The following LRRC1 variants were observed in gnomAD, a reference collection of about 807,000 sequenced individuals.
LRRC1 encodes the protein leucine-rich repeat-containing protein 1.
Under a neutral mutation model 69.9 loss-of-function variants are expected in LRRC1, and 28 were observed. That is an observed-to-expected ratio of 0.40 (90% confidence interval 0.30 to 0.55). The LOEUF (loss-of-function observed/expected upper bound fraction) is 0.55, where lower values mean the gene tolerates loss of function less well. Ranked by LOEUF, LRRC1 falls within the 20% of genes least tolerant of loss-of-function variation. LRRC1 has a pLI of 0.47. For missense variants in LRRC1, 498 were observed against 609.0 expected (o/e 0.82, Z 1.92); for synonymous variants, 236 against 240.2 (o/e 0.98, Z 0.16).
At chr6:53,854,487 G>C (rs1766246809) in intron 2 of LRRC1, among the ~76,000 whole-genome samples, 1 of 152,154 alleles carries the variant, frequency 6.6e-6, no homozygotes, top group Admixed American at 6.5e-5. Flanking sequence ...TGTGTACCAG[G>C]TATGAGGCTA....
In LRRC1 at chr6:53,872,737, A is replaced by T. The variant is rs183531847; in HGVS notation, c.278-6256A>T. Among the ~76,000 whole-genome samples the T allele has an allele frequency of 1.5e-4, 22 of 148,640 alleles. No homozygotes were observed. In the East Asian group the frequency reaches 4.1e-3, roughly 28 times the overall value. On this transcript the variant is annotated intron_variant, in intron 2 of 13. Coordinates refer to ENST00000370888, the MANE Select transcript of LRRC1 (RefSeq NM_018214.5). ...GCTTTGGGTAGTATAGACACTTTTA[A>T]CAATTTTCTTTTCTCTTTTTTTTTT...
intron 1 of LRRC1, among the ~76,000 whole-genome samples, chr6:53,840,637 T>A (rs988277204): frequency 2.6e-5 from 4 of 152,150 alleles, no homozygotes; most frequent in African/African-American, 7.2e-5. Flanking sequence ...CTTTTTGTCT[T>A]TTTATTCCAC....
intron 1 of LRRC1, among the ~76,000 whole-genome samples, chr6:53,832,620 A>T (rs1209684478): frequency 6.6e-6 from 1 of 152,180 alleles, no homozygotes; most frequent in Non-Finnish European, 1.5e-5. Flanking sequence ...TCTTTTCTGT[A>T]TGTAAACAGA....
Position 53,904,445 on chromosome 6 carries a change from G to A in LRRC1, c.973G>A (p.Val325Met), listed in dbSNP as rs774730907. Residue 325 changes from valine to methionine, a missense_variant, in exon 10 of 14, where the codon GTG becomes ATG. Transcript: ENST00000370888. ...CTTGAATGCAGACAGAAATAAATTA[G>A]TGTCCTTACCAAAAGAGGTATGTGC... Reference protein sequence around the residue: ...SNLNADRNKLVSLPKEIGGCC... With the variant: ...SNLNADRNKLMSLPKEIGGCC... 4.4e-6 allele frequency: 7 copies of A among 1,608,636 alleles called. No homozygotes were observed. Among genetic ancestry groups the A allele is most frequent in the Non-Finnish European group, 6.0e-6 (7 of 1,176,412 alleles).
rs140134504 is a variant in LRRC1, at chr6:53,891,805, G to A, written c.447-4693G>A. 1.3e-4 allele frequency among the ~76,000 whole-genome samples: 20 copies of A among 151,950 alleles called. No individual in the cohort carries two copies. In the East Asian group the frequency reaches 3.9e-3, roughly 29 times the overall value. On this transcript the variant is annotated intron_variant, in intron 4 of 13. Transcript: ENST00000370888. ...TCGAGACCAGCCAGGCCAACTGTCTGGTCTGGTGAAACCCCATCTCTACTA... is the reference window on the plus strand; with the variant it reads ...TCGAGACCAGCCAGGCCAACTGTCTAGTCTGGTGAAACCCCATCTCTACTA...
At chr6:53,841,476 G>C (rs1195977155) in intron 1 of LRRC1, among the ~76,000 whole-genome samples, 1 of 151,914 alleles carries the variant, frequency 6.6e-6, no homozygotes, top group Non-Finnish European at 1.5e-5. Context: ...CTGTCTTCAT[G>C]GGCTTATTTC....
intron 6 of LRRC1, 71 bp from the exon 7 acceptor site, chr6:53,897,213 GT>G: frequency 9.7e-7 from 1 of 1,026,266 alleles, no homozygotes. Context: ...GATGAATTCA[GT>G]TTCTTTCTTT....
chr6:53,909,279 A>AG (rs57391779), intron 10 of LRRC1, among the ~76,000 whole-genome samples: 4,629 of 152,308 alleles, frequency 0.03, 253 homozygotes, highest in African/African-American at 0.11. Context: ...ACTAAGACTG[A>AG]GAGAGGTTAA....
intron 2 of LRRC1, among the ~76,000 whole-genome samples, chr6:53,844,087 G>C (rs2127416922): frequency 6.6e-6 from 1 of 152,246 alleles, no homozygotes; most frequent in South Asian, 2.1e-4. Flanking sequence ...CGCTTACACT[G>C]GAGTATGGGG....
chr6:53,817,289 T>G (rs1174676474), intron 1 of LRRC1, among the ~76,000 whole-genome samples: 2 of 152,204 alleles, frequency 1.3e-5, no homozygotes, highest in Admixed American at 1.3e-4. Flanking sequence ...CTGTCTTCAT[T>G]TTTTTCTTAT....
chr6:53,843,991 A>G (rs1220686432), intron 2 of LRRC1, among the ~76,000 whole-genome samples: 1 of 152,166 alleles, frequency 6.6e-6, no homozygotes, highest in African/African-American at 2.4e-5. Flanking sequence ...CAGCCACCCT[A>G]AAGGTTGGCT....
At chr6:53,918,394 T>C (rs1768636718) in intron 11 of LRRC1, among the ~76,000 whole-genome samples, 1 of 152,252 alleles carries the variant, frequency 6.6e-6, no homozygotes, top group Non-Finnish European at 1.5e-5. Flanking sequence ...GCAAAATGTA[T>C]TGTTACTGTA....
chr6:53,867,664 T>A (rs1450699338), intron 2 of LRRC1, among the ~76,000 whole-genome samples: 2 of 151,432 alleles, frequency 1.3e-5, no homozygotes, highest in African/African-American at 2.4e-5. Context: ...ATTTTTATTA[T>A]TTTTTTTAAC....
Position 53,795,415 on chromosome 6 carries a change from G to A in LRRC1, c.159G>A (p.Glu53=), listed in dbSNP as rs762684607. The change falls in exon 1 of 14, where the codon GAG becomes GAA. Residue 53 remains glutamate (E), a splice_region_variant and synonymous_variant. Coordinates refer to ENST00000370888, the MANE Select transcript of LRRC1 (RefSeq NM_018214.5). The stretch of plus-strand genomic sequence containing the variant: ...CCAACCAGCTCCGCGAGCTGCCCGA[G>A]GTAAGGGTCCGGCCTCACCTGAGCG... ...LDANQLRELP[E]QFFQLVKLRK... is the part of the protein sequence containing the mutation. 40 of 1,610,444 alleles carry A rather than the reference G, an allele frequency of 2.5e-5. No homozygotes were observed. In the South Asian group the frequency reaches 4.3e-4, roughly 17 times the overall value.
chr6:53,864,465 C>G (rs746703412), intron 2 of LRRC1, among the ~76,000 whole-genome samples: 51 of 152,180 alleles, frequency 3.4e-4, no homozygotes, highest in Non-Finnish European at 6.6e-4. Flanking sequence ...AATCTGACTT[C>G]AGACCCTCAA....
chr6:53,892,026 A>G (rs1456702282), intron 4 of LRRC1, among the ~76,000 whole-genome samples: 34 of 151,112 alleles, frequency 2.2e-4, no homozygotes, highest in Non-Finnish European at 4.1e-4. Context: ...ACACACACAC[A>G]CACACACACA....
intron 2 of LRRC1, among the ~76,000 whole-genome samples, chr6:53,849,243 C>G (rs1766049407): frequency 1.3e-5 from 2 of 152,162 alleles, no homozygotes; most frequent in Admixed American, 1.3e-4. Context: ...CTCATTCATT[C>G]ACTTTATCCG....
At chr6:53,914,420 C>A (rs1311271317) in intron 11 of LRRC1, among the ~76,000 whole-genome samples, 1 of 151,998 alleles carries the variant, frequency 6.6e-6, no homozygotes, top group African/African-American at 2.4e-5. Context: ...ACTCTGAACC[C>A]CCTGAAAATA....
chr6:53,853,282 ATTTTTTT>A (rs59868633), intron 2 of LRRC1, among the ~76,000 whole-genome samples: 2 of 130,268 alleles, frequency 1.5e-5, no homozygotes, highest in Non-Finnish European at 3.3e-5. Flanking sequence ...GGTGGTTCAT[ATTTTTTT>A]TTTTTTTTTT....
Sources: allele counts gnomAD v4.1 joint callset (sites outside exome capture counted in the v4.1 genomes callset), GRCh38; gene constraint gnomAD v4.1.1; transcripts MANE v1.5; gene names NCBI Gene and HGNC (gene_info 2026-07-23, HGNC 2026-07-21).